MORC4: variants seen among roughly 807,000 people sequenced by gnomAD.
MORC4 encodes the protein MORC family CW-type zinc finger 4.
Under a neutral mutation model 65.5 loss-of-function variants are expected in MORC4, and 22 were observed. The ratio of observed to expected loss-of-function variants is 0.34; its 90% CI spans 0.24 to 0.48. The LOEUF (loss-of-function observed/expected upper bound fraction) is 0.48. Ranked by LOEUF, MORC4 falls within the 20% of genes least tolerant of loss-of-function variation. The pLI is 0.99. For synonymous variants in MORC4, 267 were observed against 255.8 expected (o/e 1.04, Z -0.42); for missense variants, 624 against 703.0 (o/e 0.89, Z 1.27).
chrX:106,964,562 A>T (rs1934328626), intron 9 of MORC4, among the ~76,000 whole-genome samples: 1 of 112,287 alleles, frequency 8.9e-6, no homozygotes, highest in South Asian at 3.7e-4. Context: ...AGAGAGACTC[A>T]GACCCAGACA....
intron 10 of MORC4, among the ~76,000 whole-genome samples, chrX:106,960,962 G>C (rs938054324): frequency 8.9e-6 from 1 of 111,966 alleles, no homozygotes; most frequent in Admixed American, 9.4e-5. Flanking sequence ...TGTTTGTCTT[G>C]ATGGTGGTGT....
intron 8 of MORC4, among the ~76,000 whole-genome samples, chrX:106,977,205 T>C (rs1934643912): frequency 8.9e-6 from 1 of 111,863 alleles, no homozygotes; most frequent in African/African-American, 3.2e-5. Flanking sequence ...AATTACAAGT[T>C]GACGCAAGAG....
At chrX:106,958,496 T>C (rs1258686245) in intron 10 of MORC4, 32 bp from the exon 11 acceptor site, 1 of 1,175,026 alleles carries the variant, frequency 8.5e-7, no homozygotes, top group Admixed American at 2.4e-5. Context: ...TGTGACTGTG[T>C]ATATCTTAGC....
rs369403354 is a variant in MORC4 at position 106,985,047 on chromosome X, A to C, written c.674+49T>G. The C allele has an allele frequency of 5.0e-6, 5 of 997,966 alleles. No homozygotes were observed. The African/African-American group carries it at 9.8e-5, about 20-fold the overall frequency. 82.2% of individuals were successfully genotyped at this position (997,966 alleles called of 1,213,427 possible). On this transcript the variant is annotated intron_variant, in intron 5 of 16. Coordinates refer to ENST00000355610, the MANE Select transcript of MORC4 (RefSeq NM_024657.5). Reference sequence around the variant, plus strand: ...TTAAAATTAAATAAAAATGTGTTTCATCATACTACCTTTGTTTATTAGAAT... The same window carrying C: ...TTAAAATTAAATAAAAATGTGTTTCCTCATACTACCTTTGTTTATTAGAAT...
At chrX:106,999,571 G>A in intron 2 of MORC4, 106 bp downstream of exon 2, 10 of 499,574 alleles carry the variant, frequency 2.0e-5, no homozygotes, top group East Asian at 1.1e-4. Context: ...CCCCACCCCA[G>A]CCCCGGCCCG....
chrX:106,960,676 C>A (rs1398951396), intron 10 of MORC4, among the ~76,000 whole-genome samples: 1 of 111,851 alleles, frequency 8.9e-6, no homozygotes, highest in Non-Finnish European at 1.9e-5. Context: ...ACAGTTCTGC[C>A]TCCAGCACAC....
intron 5 of MORC4, 37 bp from the exon 6 acceptor site, chrX:106,981,514 T>C: frequency 8.9e-7 from 1 of 1,126,012 alleles, no homozygotes; most frequent in East Asian, 3.1e-5. Context: ...TAACAAAAAC[T>C]GGCTCCAGAG....
At chrX:106,957,537 T>C (rs752675766) in intron 11 of MORC4, among the ~76,000 whole-genome samples, 47 of 111,889 alleles carry the variant, frequency 4.2e-4, no homozygotes, top group Non-Finnish European at 7.7e-4. Context: ...TTTCTATCAG[T>C]ATTTATCCTG....
intron 15 of MORC4, 91 bp from the exon 16 acceptor site, chrX:106,942,312 A>G: frequency 1.9e-6 from 2 of 1,046,393 alleles, no homozygotes; most frequent in Non-Finnish European, 2.6e-6. Context: ...TCCACTATAC[A>G]TATTCCTCTA....
chrX:106,976,494 C>G, intron 9 of MORC4, 90 bp downstream of exon 9: 1 of 504,479 alleles, frequency 2.0e-6, no homozygotes, highest in Non-Finnish European at 3.3e-6. Context: ...ACTTATTTAG[C>G]TGCTTTTTAG....
chrX:106,991,257 T>C (rs1414618227), intron 3 of MORC4, among the ~76,000 whole-genome samples: 1 of 112,051 alleles, frequency 8.9e-6, no homozygotes, highest in Admixed American at 9.4e-5. Context: ...TCTACCTTCA[T>C]AGCACTTACC....
chrX:106,980,733 TAAGA>T (rs749536554), intron 7 of MORC4, among the ~76,000 whole-genome samples, 154 bp downstream of exon 7: 38 of 111,889 alleles, frequency 3.4e-4, no homozygotes, highest in African/African-American at 1.1e-3. Flanking sequence ...GATTGGCATT[TAAGA>T]AAGACTTCCT....
chrX:106,980,624 T>A (rs1028302743), intron 7 of MORC4, among the ~76,000 whole-genome samples: 5 of 111,190 alleles, frequency 4.5e-5, no homozygotes, highest in South Asian at 3.8e-4. Flanking sequence ...TTATTTTTTT[T>A]AAAAAAGGTT....
intron 9 of MORC4, among the ~76,000 whole-genome samples, chrX:106,966,717 G>T (rs949962371): frequency 8.9e-6 from 1 of 112,922 alleles, no homozygotes; most frequent in Non-Finnish European, 1.9e-5. Context: ...TGGAACACGG[G>T]AGCTTGGCAG....
rs1013309849 is a variant in MORC4 at position 106,943,504 on chromosome X, A to T, written c.1686-299T>A. On this transcript the variant is annotated intron_variant, in intron 14 of 16. Coordinates refer to ENST00000355610, the MANE Select transcript of MORC4 (RefSeq NM_024657.5). ...ATTGCGACCAGCCTGACTTAGAAGTATCCTAAAGATGCAAGTCAAGAGGGA... is the reference window on the plus strand; with the variant it reads ...ATTGCGACCAGCCTGACTTAGAAGTTTCCTAAAGATGCAAGTCAAGAGGGA... Among the ~76,000 whole-genome samples the T allele has an allele frequency of 5.4e-5, 6 of 111,795 alleles. No homozygotes were observed. The Admixed American group carries it at 5.7e-4, about 11-fold the overall frequency.
intron 3 of MORC4, among the ~76,000 whole-genome samples, chrX:106,990,930 T>C (rs1934969397): frequency 9.0e-6 from 1 of 111,534 alleles, no homozygotes; most frequent in African/African-American, 3.3e-5. Flanking sequence ...CAAGTTTGTT[T>C]CAAGATACAA....
At chrX:106,999,549 C>T in intron 2 of MORC4, 128 bp downstream of exon 2, 1 of 517,328 alleles carries the variant, frequency 1.9e-6, no homozygotes. Flanking sequence ...GAGCCGGGGC[C>T]GGTTCCGAGG....
intron 13 of MORC4, among the ~76,000 whole-genome samples, chrX:106,955,518 T>TACACAC (rs10610713): frequency 6.7e-5 from 7 of 103,919 alleles, no homozygotes; most frequent in Admixed American, 2.1e-4. Flanking sequence ...ATATTCATAG[T>TACACAC]ACACACACAC....
intron 2 of MORC4, among the ~76,000 whole-genome samples, chrX:106,998,441 T>C (rs1484082373): frequency 8.9e-6 from 1 of 112,305 alleles, no homozygotes; most frequent in East Asian, 2.8e-4. Flanking sequence ...AGCACAGGTA[T>C]ATCACGTTCT....
Sources: gnomAD v4.1 joint callset for allele counts (sites outside exome capture counted in the v4.1 genomes callset) on GRCh38, gnomAD v4.1.1 for gene constraint, MANE v1.5 for transcripts, NCBI Gene and HGNC (gene_info 2026-07-23, HGNC 2026-07-21) for gene names.